The following XPR1 variants were observed in gnomAD, a reference collection of about 807,000 sequenced individuals.
The protein encoded by XPR1 is solute carrier family 53 member 1.
A neutral mutation model predicts 87.5 loss-of-function variants in XPR1; 28 were observed. The observed-to-expected ratio is 0.32, with a 90% CI of 0.24 to 0.44. The LOEUF (loss-of-function observed/expected upper bound fraction) is 0.44, where lower values mean the gene tolerates loss of function less well. XPR1 is among the 20% of genes least tolerant of loss of function. The pLI is 1.00. For synonymous variants in XPR1, 300 were observed against 306.1 expected (o/e 0.98, Z 0.21); for missense variants, 559 against 862.3 (o/e 0.65, Z 4.41).
intron 1 of XPR1, among the ~76,000 whole-genome samples, chr1:180,674,094 G>A (rs1294284868): frequency 6.6e-6 from 1 of 152,214 alleles, no homozygotes; most frequent in Non-Finnish European, 1.5e-5. Context: ...ATGCATGTAT[G>A]ATCATGAATC....
intron 1 of XPR1, among the ~76,000 whole-genome samples, chr1:180,654,785 A>G (rs1655400181): frequency 6.6e-6 from 1 of 152,166 alleles, no homozygotes; most frequent in South Asian, 2.1e-4. Flanking sequence ...CTATATGAAT[A>G]TAATTGAAAG....
At chr1:180,684,045 T>C (rs965034060) in intron 2 of XPR1, among the ~76,000 whole-genome samples, 5 of 152,238 alleles carry the variant, frequency 3.3e-5, no homozygotes, top group African/African-American at 1.2e-4. Flanking sequence ...CCCATGCCTA[T>C]GTCCTGAATT....
At chr1:180,714,752 C>A (rs1212543412) in intron 2 of XPR1, among the ~76,000 whole-genome samples, 1 of 151,928 alleles carries the variant, frequency 6.6e-6, no homozygotes, top group East Asian at 1.9e-4. Context: ...CTATTTTCTT[C>A]CTTCTTTCTT....
At chr1:180,850,005 T>C (rs1651811777) in intron 11 of XPR1, among the ~76,000 whole-genome samples, 1 of 152,146 alleles carries the variant, frequency 6.6e-6, no homozygotes, top group Non-Finnish European at 1.5e-5. Context: ...ACTATTGAAA[T>C]TTTTTATTTT....
In XPR1 at chr1:180,825,220, C is replaced by T; in HGVS notation, c.1010C>T (p.Ala337Val). 1 of 1,614,002 alleles carries T rather than the reference C, an allele frequency of 6.2e-7. No individual in the cohort carries two copies. The highest frequency in any genetic ancestry group is 8.5e-7 in the Non-Finnish European group (1 of 1,179,946). Reference protein sequence around the residue: ...WCLSLLACFFAPISVIPTYVY... With the variant: ...WCLSLLACFFVPISVIPTYVY... ...CTGAGCCTTCTGGCATGCTTCTTTGCTCCAATTAGTGTCATCCCCACATAT... is the reference window on the plus strand; with the variant it reads ...CTGAGCCTTCTGGCATGCTTCTTTGTTCCAATTAGTGTCATCCCCACATAT... Residue 337 changes from alanine (A) to valine (V), a missense_variant, in exon 9 of 15, where the codon GCT becomes GTT. Ala to Val is a moderately conservative substitution (Grantham distance 64, BLOSUM62 0). Around this residue, in one of 7 missense-constraint regions of XPR1, gnomAD observed 264 missense variants for 377.2 expected, o/e 0.70. Coordinates refer to ENST00000367590, the MANE Select transcript of XPR1 (RefSeq NM_004736.4).
chr1:180,876,747 G>T (rs1652675673), intron 13 of XPR1, among the ~76,000 whole-genome samples: 1 of 151,818 alleles, frequency 6.6e-6, no homozygotes, highest in Non-Finnish European at 1.5e-5. Flanking sequence ...ACCTGTTCAT[G>T]AAAAAAATGT....
Position 180,656,443 on chromosome 1 carries a change from A to ATATTATATAT in XPR1, c.69+24173_69+24174insTATTATATAT, listed in dbSNP as rs1448234284. ...TATAAATATTTATATATTTATATAT[A>ATATTATATAT]AATATTTATATATTTATATATAATA... On this transcript the variant is annotated intron_variant, in intron 1 of 14. Transcript: ENST00000367590. 2.6e-3 allele frequency among the ~76,000 whole-genome samples: 14 copies of ATATTATATAT among 5,470 alleles called. 3 individuals are homozygous for ATATTATATAT. The highest frequency in any genetic ancestry group is 4.4e-3 in the Non-Finnish European group (11 of 2,506). 3.6% of individuals were successfully genotyped at this position (5,470 alleles called of 152,430 possible).
At chr1:180,641,773 G>T (rs1403887164) in intron 1 of XPR1, among the ~76,000 whole-genome samples, 1 of 152,174 alleles carries the variant, frequency 6.6e-6, no homozygotes, top group African/African-American at 2.4e-5. Context: ...ATTGAGAGCA[G>T]AGATGCCAAG....
intron 2 of XPR1, among the ~76,000 whole-genome samples, chr1:180,752,422 A>G (rs1432844929): frequency 5.9e-5 from 9 of 152,182 alleles, no homozygotes; most frequent in Admixed American, 5.9e-4. Context: ...CAGTATTGGT[A>G]TCTCCCTATT....
intron 1 of XPR1, among the ~76,000 whole-genome samples, chr1:180,635,461 A>C (rs774028081): frequency 8.5e-5 from 13 of 152,332 alleles, no homozygotes; most frequent in South Asian, 2.1e-4. Context: ...TTAGCAGAAG[A>C]AGCAAATATA....
intron 2 of XPR1, among the ~76,000 whole-genome samples, chr1:180,724,381 G>A (rs1022824777): frequency 1.4e-4 from 22 of 152,122 alleles, no homozygotes; most frequent in Admixed American, 1.2e-3. Context: ...GAAAAAATGA[G>A]TATAATAGTA....
chr1:180,826,316 G>A (rs1052108662), intron 9 of XPR1, among the ~76,000 whole-genome samples: 5 of 152,274 alleles, frequency 3.3e-5, no homozygotes, highest in Admixed American at 1.3e-4. Flanking sequence ...TCGGGAGGCT[G>A]AGGTGAGTGG....
intron 2 of XPR1, among the ~76,000 whole-genome samples, chr1:180,704,846 T>C (rs909861369): frequency 1.8e-5 from 2 of 110,394 alleles, no homozygotes; most frequent in Non-Finnish European, 3.8e-5. Context: ...TTTTAAGTAA[T>C]AATCATGGAA....
intron 9 of XPR1, among the ~76,000 whole-genome samples, chr1:180,830,042 T>C (rs1651001058): frequency 6.6e-6 from 1 of 152,162 alleles, no homozygotes; most frequent in African/African-American, 2.4e-5. Flanking sequence ...TTCATAATAG[T>C]TCATGATTAG....
At chr1:180,686,592 A>T (rs187315240) in intron 2 of XPR1, among the ~76,000 whole-genome samples, 4 of 152,252 alleles carry the variant, frequency 2.6e-5, no homozygotes, top group African/African-American at 9.6e-5. Context: ...GGGGTGTTAA[A>T]GTCTCCCATT....
At chr1:180,793,375 A>G (rs17373660) in intron 3 of XPR1, among the ~76,000 whole-genome samples, 11,285 of 152,184 alleles carry the variant, frequency 0.074, 463 homozygotes, top group African/African-American at 0.084. Context: ...AATGTGTGCA[A>G]TGAATCATGA....
intron 1 of XPR1, among the ~76,000 whole-genome samples, chr1:180,636,894 A>G (rs901046162): frequency 1.3e-5 from 2 of 152,102 alleles, no homozygotes; most frequent in African/African-American, 4.8e-5. Context: ...TCTACTAAAA[A>G]TACAAAAATT....
chr1:180,729,232 C>T (rs1658471894), intron 2 of XPR1, among the ~76,000 whole-genome samples: 1 of 152,146 alleles, frequency 6.6e-6, no homozygotes, highest in South Asian at 2.1e-4. Flanking sequence ...TTTTAAAATC[C>T]AGTATACCAT....
At position 180,806,196 on chromosome 1, in the gene XPR1, T is replaced by C; in HGVS notation, c.582T>C (p.Leu194=). Residue 194 remains leucine, a synonymous_variant, in exon 5 of 15, where the codon CTT becomes CTC. Coordinates refer to ENST00000367590, the MANE Select transcript of XPR1 (RefSeq NM_004736.4). ...ATACATGCAAGAAAATCAACCAGCT[T>C]ATCTCTGAAACTGAGGTACAATAAT... ...PFYTCKKINQ[L]ISETEAVVTN... 1 of 1,613,332 alleles carries C rather than the reference T, an allele frequency of 6.2e-7. No individual in the cohort carries two copies. Among genetic ancestry groups the C allele is most frequent in the South Asian group, 1.1e-5 (1 of 90,962 alleles).
Sources: allele counts gnomAD v4.1 joint callset (sites outside exome capture counted in the v4.1 genomes callset), GRCh38; gene constraint gnomAD v4.1.1; regional missense constraint gnomAD v4.1.1; transcripts MANE v1.5; gene names NCBI Gene and HGNC (gene_info 2026-07-23, HGNC 2026-07-21).